MPI: variants seen among roughly 807,000 people sequenced by gnomAD.
MPI encodes mannose phosphate isomerase.
In MPI, 33 loss-of-function variants were observed where a neutral mutation model predicts 40.1. That is an observed-to-expected ratio of 0.82 (90% CI 0.62 to 1.10). The LOEUF (loss-of-function observed/expected upper bound fraction) is 1.10. MPI is among the 50% of genes least tolerant of loss of function. The pLI, the probability that MPI is intolerant of heterozygous loss-of-function variation, is 0.00. For synonymous variants in MPI, 187 were observed against 207.4 expected (o/e 0.90, Z 0.85); for missense variants, 514 against 524.1 (o/e 0.98, Z 0.19).
chr15:74,894,577 T>C (rs2064788567), intron 5 of MPI, among the ~76,000 whole-genome samples: 1 of 148,778 alleles, frequency 6.7e-6, no homozygotes, highest in African/African-American at 2.5e-5. Flanking sequence ...TGAGCCTAGA[T>C]CATGCCACTG....
chr15:74,897,283 T>C (rs1251622854), intron 7 of MPI, 64 bp downstream of exon 7: 25 of 1,576,242 alleles, frequency 1.6e-5, no homozygotes, highest in Admixed American at 5.0e-5. Context: ...AGGGTCACGA[T>C]GTGGAGGACA....
Position 74,897,591 on chromosome 15 carries a change from TAGCC to T in MPI, c.1137_1140del (p.Ser380HisfsTer26), listed in dbSNP as rs1373861722. 1 of 1,614,034 alleles carries T rather than the reference TAGCC, an allele frequency of 6.2e-7. No homozygotes were observed. Among genetic ancestry groups the T allele is most frequent in the East Asian group, 2.2e-5 (1 of 44,890 alleles). On this transcript the variant is annotated frameshift_variant, in exon 8 of 8. Transcript: ENST00000352410. LOFTEE classifies it high-confidence loss of function. Reference sequence around the variant, plus strand: ...CTCCTGATGGTACAGGGGACAGTAATAGCCAGCACACCCACAACCCAGACACCAA... The same window carrying T: ...CTCCTGATGGTACAGGGGACAGTAATAGCACACCCACAACCCAGACACCAA...
chr15:74,891,309 G>A (rs1411625379), intron 2 of MPI, 70 bp from the exon 3 acceptor site: 1 of 1,454,928 alleles, frequency 6.9e-7, no homozygotes, highest in South Asian at 1.1e-5. Flanking sequence ...CAGCATAACG[G>A]ATTGGGACAG....
Position 74,898,103 on chromosome 15 carries a change from AG to A in MPI, c.*376del, listed in dbSNP as rs2064851180. On this transcript the variant is annotated 3_prime_UTR_variant, in exon 8 of 8. Coordinates refer to ENST00000352410, the MANE Select transcript of MPI (RefSeq NM_002435.3). ...AAGAGACCAGGTAATTTCTAAGAAC[AG>A]GGTTCTAGCGATGGGACTGCCCATT... is the stretch of plus-strand genomic sequence containing the variant. 2.7e-6 allele frequency: 1 copy of A among 369,202 alleles called. No individual in the cohort carries two copies. The highest frequency in any genetic ancestry group is 6.8e-5 in the East Asian group (1 of 14,642). 22.9% of individuals were successfully genotyped at this position (369,202 alleles called of 1,614,324 possible).
intron 2 of MPI, chr15:74,891,124 AAAG>A: frequency 1.7e-6 from 1 of 603,388 alleles, no homozygotes; most frequent in Non-Finnish European, 3.0e-6. Flanking sequence ...TTGGACAGAC[AAAG>A]AAGATACATC....
chr15:74,896,092 G>A (rs2064813264), intron 5 of MPI, 60 bp from the exon 6 acceptor site: 1 of 1,597,796 alleles, frequency 6.3e-7, no homozygotes. Flanking sequence ...GGCCAATGTG[G>A]GGCTATGAAC....
rs1221552657 is a variant in MPI at position 74,899,505 on chromosome 15, C to T, written c.*1775C>T. ...CAAGAGCCTATTTCACTCATGCCGT[C>T]CAGTGAAACAGGCCCGAAAGTGATG... is the stretch of plus-strand genomic sequence containing the variant. On this transcript the variant is annotated 3_prime_UTR_variant, in exon 8 of 8. Transcript: ENST00000352410. 6.6e-6 allele frequency: 1 copy of T among 152,220 alleles called. No individual in the cohort carries two copies. Among genetic ancestry groups the T allele is most frequent in the Non-Finnish European group, 1.5e-5 (1 of 68,046 alleles). The allele number at this position is 152,220 out of a possible 1,614,324, so 9.4% of individuals were successfully genotyped here.
intron 2 of MPI, 95 bp downstream of exon 2, chr15:74,890,749 G>A: frequency 1.3e-6 from 2 of 1,575,310 alleles, no homozygotes; most frequent in Non-Finnish European, 1.7e-6. Context: ...GGGTGAGGCA[G>A]CAAGGAGGGA....
chr15:74,892,439 TCCCTGATTTGCCCCGGGGTTGC>T (rs1404570300), intron 3 of MPI, among the ~76,000 whole-genome samples, 200 bp from the exon 4 acceptor site: 7 of 152,356 alleles, frequency 4.6e-5, no homozygotes, highest in Admixed American at 3.3e-4. Flanking sequence ...CCCCAGCTTT[TCCCTGATTTGCCCCGGGGTTGC>T]CCCTGATTTG....
chr15:74,890,460 G>T, intron 1 of MPI, 67 bp from the exon 2 acceptor site: 4 of 1,609,592 alleles, frequency 2.5e-6, no homozygotes, highest in Non-Finnish European at 3.4e-6. Context: ...GCTCTTGCCT[G>T]GTTTCCCGGG....
At position 74,893,289 on chromosome 15, in the gene MPI, C is replaced by T. The variant is rs763155512; in HGVS notation, c.639C>T (p.Leu213=). 11 of 1,614,092 alleles carry T rather than the reference C, an allele frequency of 6.8e-6. No homozygotes were observed. The highest frequency in any genetic ancestry group is 4.0e-5 in the African/African-American group (3 of 74,928). ...KSEKKVVVEQ[L]NLLVKRISQQ... ...AGAAGAAGGTGGTGGTGGAACAGCT[C>T]AACCTGTTGGTGAAGCGGATCTCCC... Residue 213 remains leucine, a synonymous_variant, in exon 5 of 8, where the codon CTC becomes CTT. Transcript: ENST00000352410.
rs766010024 is a variant in MPI at position 74,896,301 on chromosome 15, G to A, written c.820G>A (p.Val274Ile). The change falls in exon 6 of 8, where the codon GTA becomes ATA. Residue 274 changes from valine (V) to isoleucine (I), a missense_variant. By Grantham distance (29) the Val-to-Ile change is conservative. Transcript: ENST00000352410. Reference sequence around the variant, plus strand: ...GGAGGCCATGTTTCTGGAGGCCAACGTACCCCATGCCTACCTGAAAGGAGG... The same window carrying A: ...GGAGGCCATGTTTCTGGAGGCCAACATACCCCATGCCTACCTGAAAGGAGG... ...PGEAMFLEAN[V>I]PHAYLKGDCV... 2.2e-5 allele frequency: 35 copies of A among 1,614,016 alleles called. No homozygotes were observed. The highest frequency in any genetic ancestry group is 6.7e-5 in the African/African-American group (5 of 74,902).
intron 1 of MPI, chr15:74,890,297 C>T: frequency 2.3e-6 from 2 of 855,098 alleles, no homozygotes; most frequent in East Asian, 2.7e-5. Flanking sequence ...TAGGTACCTT[C>T]TGCTCCCTCC....
chr15:74,898,459 C>A lies in MPI; in HGVS notation c.*729C>A, dbSNP rs146210461. On this transcript the variant is annotated 3_prime_UTR_variant, in exon 8 of 8. Coordinates refer to ENST00000352410, the MANE Select transcript of MPI (RefSeq NM_002435.3). ...CAGGCCTTGGGTCTGCCCAGAGGCACAGCTTGCAAGCAGCCCTACAGAGAA... is the reference window on the plus strand; with the variant it reads ...CAGGCCTTGGGTCTGCCCAGAGGCAAAGCTTGCAAGCAGCCCTACAGAGAA... The A allele has an allele frequency of 7.0e-3, 1,116 of 160,562 alleles. 46 individuals carry two copies. The highest frequency in any genetic ancestry group is 0.056 in the Admixed American group (984 of 17,586). 9.9% of individuals were successfully genotyped at this position (160,562 alleles called of 1,614,324 possible).
rs746086093 is a variant in MPI at position 74,890,671 on chromosome 15, A to G, written c.144+17A>G. On this transcript the variant is annotated intron_variant, in intron 2 of 7. Transcript: ENST00000352410. ...TATGCAGAGGTGAGCCCCGGGCTGT[A>G]TTTCAGCCCACTTTACCCGCAGGTC... is the stretch of plus-strand genomic sequence containing the variant. 1.9e-6 allele frequency: 3 copies of G among 1,612,624 alleles called. No individual in the cohort carries two copies. Among genetic ancestry groups the G allele is most frequent in the Non-Finnish European group, 2.5e-6 (3 of 1,180,016 alleles).
At position 74,897,839 on chromosome 15, in the gene MPI, T is replaced by G. The variant is rs905180827; in HGVS notation, c.*109T>G. On this transcript the variant is annotated 3_prime_UTR_variant, in exon 8 of 8. Coordinates refer to ENST00000352410, the MANE Select transcript of MPI (RefSeq NM_002435.3). ...TTCCTTGCTCTGGACCCCTTAGGTATACCCTGGAAGAGCTGGGGTGGGGGA... is the reference window on the plus strand; with the variant it reads ...TTCCTTGCTCTGGACCCCTTAGGTAGACCCTGGAAGAGCTGGGGTGGGGGA... 2 of 1,087,092 alleles carry G rather than the reference T, an allele frequency of 1.8e-6. No individual in the cohort carries two copies. The highest frequency in any genetic ancestry group is 2.9e-4 in the Middle Eastern group (1 of 3,444). The allele number at this position is 1,087,092 out of a possible 1,614,324, so 67.3% of individuals were successfully genotyped here.
At chr15:74,897,275 G>A in intron 7 of MPI, 56 bp downstream of exon 7, 1 of 1,592,602 alleles carries the variant, frequency 6.3e-7, no homozygotes. Context: ...CTCTGGCAAG[G>A]GTCACGATGT....
rs2064872744 is a variant in MPI at position 74,899,466 on chromosome 15, A to G, written c.*1736A>G. 1 of 152,208 alleles carries G rather than the reference A, an allele frequency of 6.6e-6. No individual in the cohort carries two copies. The highest frequency in any genetic ancestry group is 2.1e-4 in the South Asian group (1 of 4,826). 9.4% of individuals were successfully genotyped at this position (152,208 alleles called of 1,614,324 possible). On this transcript the variant is annotated 3_prime_UTR_variant, in exon 8 of 8. Coordinates refer to ENST00000352410, the MANE Select transcript of MPI (RefSeq NM_002435.3). The stretch of plus-strand genomic sequence containing the variant: ...AGGTCTGCTAAAGGGAACCCATTCT[A>G]CAGAAGTGACTTGCAAGAGCCTATT...
rs1023381946 is a variant in MPI at position 74,898,541 on chromosome 15, CT to C, written c.*825del. On this transcript the variant is annotated 3_prime_UTR_variant, in exon 8 of 8. Coordinates refer to ENST00000352410, the MANE Select transcript of MPI (RefSeq NM_002435.3). ...CAAGACTCTTCGCTCCTGTTTTTCT[CT>C]TTTTTTTTTTTTTGAGACGGAGTCT... 630 of 143,118 alleles carry C rather than the reference CT, an allele frequency of 4.4e-3. 3 individuals are homozygous for C. The highest frequency in any genetic ancestry group is 0.01 in the African/African-American group (410 of 39,376). The allele number at this position is 143,118 out of a possible 1,614,324, so 8.9% of individuals were successfully genotyped here.
Sources: allele counts gnomAD v4.1 joint callset (sites outside exome capture counted in the v4.1 genomes callset), GRCh38; gene constraint gnomAD v4.1.1; transcripts MANE v1.5; gene names NCBI Gene and HGNC (gene_info 2026-07-23, HGNC 2026-07-21).